Variants in NXN observed in about 807,000 individuals in gnomAD.
The protein encoded by NXN is nucleoredoxin.
A neutral mutation model predicts 48.6 loss-of-function variants in NXN; 16 were observed. The observed-to-expected ratio is 0.33, with a 90% confidence interval of 0.22 to 0.50. The LOEUF (loss-of-function observed/expected upper bound fraction) is 0.50. Ranked by LOEUF, NXN falls within the 20% of genes least tolerant of loss-of-function variation. The probability of loss-of-function intolerance (pLI) is 0.98; values close to 1 mark genes in which losing one functional copy is unlikely to be tolerated. For missense variants in NXN, 492 were observed against 605.5 expected, an observed-to-expected ratio of 0.81 and a Z score of 1.97; for synonymous variants, 281 against 269.6, an observed-to-expected ratio of 1.04 and a Z score of -0.41.
At chr17:865,345 T>C (rs1011704766) in intron 1 of NXN, among the ~76,000 whole-genome samples, 2 of 151,880 alleles carry the variant, frequency 1.3e-5, no homozygotes, top group Non-Finnish European at 2.9e-5. Context: ...TGGATTCAAG[T>C]GATTCTCCTG....
intron 1 of NXN, among the ~76,000 whole-genome samples, chr17:970,620 G>C (rs1204462036): frequency 6.6e-6 from 1 of 152,172 alleles, no homozygotes; most frequent in Non-Finnish European, 1.5e-5. Context: ...GAGGCTTGCT[G>C]CTCCTCCTCC....
chr17:855,010 T>C (rs2067970736), intron 1 of NXN, among the ~76,000 whole-genome samples: 1 of 151,050 alleles, frequency 6.6e-6, no homozygotes, highest in Non-Finnish European at 1.5e-5. Flanking sequence ...GTGCAGAGGC[T>C]CACACCTATA....
Position 902,218 on chromosome 17 carries a change from C to G in NXN, c.361-76140G>C, listed in dbSNP as rs1122427. Among the ~76,000 whole-genome samples, 121 of 152,336 alleles carry G rather than the reference C, an allele frequency of 7.9e-4. 1 individual carries two copies. Among genetic ancestry groups the G allele is most frequent in the Admixed American group, 3.3e-3 (50 of 15,290 alleles). Reference sequence around the variant, plus strand: ...TCATTATTCACTGCTCCCACTCGCACGACGGACCCACGTCCGCCGTCCGTT... The same window carrying G: ...TCATTATTCACTGCTCCCACTCGCAGGACGGACCCACGTCCGCCGTCCGTT... On this transcript the variant is annotated intron_variant, in intron 1 of 7. Coordinates refer to ENST00000336868, the MANE Select transcript of NXN (RefSeq NM_022463.5).
chr17:805,028 C>A (rs958628098), intron 6 of NXN, 40 bp downstream of exon 6: 2 of 1,535,202 alleles, frequency 1.3e-6, no homozygotes, highest in Non-Finnish European at 1.8e-6. Flanking sequence ...TGTCCCGCCC[C>A]CCAGCCACCC....
intron 1 of NXN, chr17:878,346 G>A (rs897798073): frequency 1.4e-5 from 2 of 145,578 alleles, no homozygotes; most frequent in Admixed American, 6.9e-5. Flanking sequence ...GCAAAGGTGA[G>A]GATGCTAGAA....
At chr17:892,563 C>G (rs1410753237) in intron 1 of NXN, among the ~76,000 whole-genome samples, 2 of 145,808 alleles carry the variant, frequency 1.4e-5, no homozygotes, top group Non-Finnish European at 3.0e-5. Context: ...ACAAACGCAC[C>G]TGGCAAGTCA....
At chr17:939,629 A>G (rs1270309970) in intron 1 of NXN, among the ~76,000 whole-genome samples, 1 of 152,122 alleles carries the variant, frequency 6.6e-6, no homozygotes, top group Non-Finnish European at 1.5e-5. Context: ...TACAGGCGTG[A>G]GCCACCGCGC....
intron 1 of NXN, among the ~76,000 whole-genome samples, chr17:833,931 C>T (rs558874337): frequency 6.6e-6 from 1 of 152,328 alleles, no homozygotes; most frequent in South Asian, 2.1e-4. Context: ...CTCCCACTGT[C>T]GCTGTGTTCC....
At chr17:931,413 A>G (rs1490643763) in intron 1 of NXN, among the ~76,000 whole-genome samples, 13 of 151,618 alleles carry the variant, frequency 8.6e-5, no homozygotes, top group Admixed American at 8.6e-4. Context: ...AGATCACACC[A>G]CTGCACTCCA....
rs557040330 is a variant in NXN at position 959,249 on chromosome 17, T to A, written c.360+20070A>T. On this transcript the variant is annotated intron_variant, in intron 1 of 7. Coordinates refer to ENST00000336868, the MANE Select transcript of NXN (RefSeq NM_022463.5). ...TGCAGATACCCCAGCTCCCAGCCCC[T>A]CCAAAGCCTTCCTTTCCCCTCCATG... 384 of 697,604 alleles carry A rather than the reference T, an allele frequency of 5.5e-4. 1 individual carries two copies. Among genetic ancestry groups the A allele is most frequent in the Middle Eastern group, 2.5e-3 (5 of 2,004 alleles). 43.2% of individuals were successfully genotyped at this position (697,604 alleles called of 1,614,324 possible). A position where few individuals can be genotyped will look rare whatever the true frequency, so the allele number is the denominator to read the frequency against.
intron 1 of NXN, among the ~76,000 whole-genome samples, chr17:860,240 C>T (rs922418429): frequency 1.6e-4 from 25 of 152,380 alleles, no homozygotes; most frequent in African/African-American, 5.0e-4. Context: ...TCTCCTGCCT[C>T]AGCCTCCTGA....
At chr17:820,209 A>G (rs113572065) in intron 4 of NXN, among the ~76,000 whole-genome samples, 12,050 of 152,232 alleles carry the variant, frequency 0.079, 616 homozygotes, top group Middle Eastern at 0.13. Context: ...GTCTGTGATG[A>G]TGGTGGTAAC....
At chr17:884,200 G>T (rs533789654) in intron 1 of NXN, among the ~76,000 whole-genome samples, 2 of 138,910 alleles carry the variant, frequency 1.4e-5, no homozygotes, top group Non-Finnish European at 3.2e-5. Context: ...CAGCCTGGGG[G>T]ACTGAGCAAG....
intron 1 of NXN, among the ~76,000 whole-genome samples, chr17:828,943 G>A (rs976269358): frequency 6.6e-5 from 10 of 151,864 alleles, no homozygotes; most frequent in African/African-American, 2.4e-4. Flanking sequence ...AAAAAAGTCG[G>A]GAAACAGCAA....
intron 1 of NXN, among the ~76,000 whole-genome samples, chr17:881,301 G>A (rs763509442): frequency 3.3e-5 from 5 of 152,204 alleles, no homozygotes; most frequent in Non-Finnish European, 5.9e-5. Context: ...AGGCTGGAGT[G>A]CAGTGGTGCG....
intron 1 of NXN, among the ~76,000 whole-genome samples, chr17:951,885 G>A (rs1348814921): frequency 2.0e-5 from 3 of 152,174 alleles, no homozygotes; most frequent in Non-Finnish European, 2.9e-5. Context: ...GAGGGCACCC[G>A]GGAAGGGGAG....
intron 5 of NXN, among the ~76,000 whole-genome samples, chr17:812,640 GAGT>G (rs1912151356): frequency 6.6e-6 from 1 of 151,544 alleles, no homozygotes; most frequent in South Asian, 2.1e-4. Flanking sequence ...AGGTGTGTGT[GAGT>G]GTGCATGTGT....
At chr17:906,756 A>C (rs1325658236) in intron 1 of NXN, among the ~76,000 whole-genome samples, 1 of 151,174 alleles carries the variant, frequency 6.6e-6, no homozygotes, top group Non-Finnish European at 1.5e-5. Context: ...TTTAGTGGAA[A>C]TCGGGTTTCA....
chr17:857,373 G>A (rs1405308399), intron 1 of NXN, among the ~76,000 whole-genome samples: 1 of 152,110 alleles, frequency 6.6e-6, no homozygotes, highest in Non-Finnish European at 1.5e-5. Context: ...GGATTCTCCT[G>A]CCTCAGCCTA....
Sources: allele counts gnomAD v4.1 joint callset (sites outside exome capture counted in the v4.1 genomes callset), GRCh38; gene constraint gnomAD v4.1.1; transcripts MANE v1.5; gene names NCBI Gene and HGNC (gene_info 2026-07-23, HGNC 2026-07-21).